Variants in R3HDM1 observed in about 807,000 individuals in gnomAD.
R3HDM1 encodes the protein R3H domain-containing protein 1.
R3HDM1 carries 46 observed loss-of-function variants against 141.1 expected under a neutral mutation model. The observed-to-expected ratio is 0.33, with a 90% confidence interval of 0.26 to 0.42. The LOEUF (loss-of-function observed/expected upper bound fraction) is 0.42. R3HDM1 is among the 10% of genes least tolerant of loss of function. The pLI is 1.00. For synonymous variants in R3HDM1, 435 were observed against 472.9 expected, an observed-to-expected ratio of 0.92 and a Z score of 1.04; for missense variants, 1,184 against 1,368.3, an observed-to-expected ratio of 0.87 and a Z score of 2.12.
intron 1 of R3HDM1, among the ~76,000 whole-genome samples, chr2:135,535,811 A>G (rs1204406268): frequency 6.6e-6 from 1 of 152,198 alleles, no homozygotes; most frequent in Non-Finnish European, 1.5e-5. Flanking sequence ...CATTTCCAGA[A>G]TTTAATTCAA....
chr2:135,591,861 G>T (rs1265366771), intron 1 of R3HDM1, among the ~76,000 whole-genome samples: 1 of 152,190 alleles, frequency 6.6e-6, no homozygotes, highest in Non-Finnish European at 1.5e-5. Context: ...CACAGGGTAA[G>T]GTCTAGGTGA....
intron 21 of R3HDM1, among the ~76,000 whole-genome samples, chr2:135,695,906 G>A (rs1233853552): frequency 6.6e-6 from 1 of 152,162 alleles, no homozygotes; most frequent in Non-Finnish European, 1.5e-5. Flanking sequence ...ACAAATAAAA[G>A]GTAAGCAATA....
chr2:135,664,876 C>T (rs893515547), intron 19 of R3HDM1, among the ~76,000 whole-genome samples: 1 of 152,182 alleles, frequency 6.6e-6, no homozygotes, highest in African/African-American at 2.4e-5. Flanking sequence ...ATCCTGATGG[C>T]CCTTAGTCAT....
chr2:135,611,336 G>A (rs1422823460), intron 3 of R3HDM1, among the ~76,000 whole-genome samples: 2 of 152,114 alleles, frequency 1.3e-5, no homozygotes, highest in Admixed American at 6.6e-5. Flanking sequence ...AGGAGGTCAA[G>A]GCTATAGTGA....
At chr2:135,608,412 C>G (rs1423022370) in intron 3 of R3HDM1, among the ~76,000 whole-genome samples, 1 of 151,914 alleles carries the variant, frequency 6.6e-6, no homozygotes, top group African/African-American at 2.4e-5. Context: ...ATCCAAGGTG[C>G]CTGGCAAGGG....
At chr2:135,603,082 A>G (rs1245248328) in intron 2 of R3HDM1, among the ~76,000 whole-genome samples, 2 of 152,152 alleles carry the variant, frequency 1.3e-5, no homozygotes, top group African/African-American at 2.4e-5. Flanking sequence ...CCCAGGTCCA[A>G]GCAATTCTCC....
At position 135,621,845 on chromosome 2, in the gene R3HDM1, T is replaced by C; in HGVS notation, c.418+237T>C. 3.1e-6 allele frequency: 3 copies of C among 981,808 alleles called. No homozygotes were observed. In the South Asian group the frequency reaches 1.4e-4, roughly 46 times the overall value. 60.8% of individuals were successfully genotyped at this position (981,808 alleles called of 1,614,324 possible). A position where few individuals can be genotyped will look rare whatever the true frequency, so the allele number is the denominator to read the frequency against. On this transcript the variant is annotated intron_variant, in intron 6 of 26. Transcript: ENST00000683871. ...CAGACGTTGAGGACATCTTAATCTC[T>C]TACTGGTCCCTCACTCATAGTAAAA...
chr2:135,604,300 T>A (rs1291462137), intron 2 of R3HDM1, among the ~76,000 whole-genome samples: 1 of 152,236 alleles, frequency 6.6e-6, no homozygotes, highest in Non-Finnish European at 1.5e-5. Context: ...ATTATAGGTA[T>A]CCCTTTGGAG....
chr2:135,545,197 C>G (rs983809167), intron 1 of R3HDM1, among the ~76,000 whole-genome samples: 1 of 152,172 alleles, frequency 6.6e-6, no homozygotes, highest in African/African-American at 2.4e-5. Context: ...GTTATGGATT[C>G]ACTCAGCATT....
chr2:135,579,337 G>A lies in R3HDM1; in HGVS notation c.-249-23163G>A, dbSNP rs139581367. 4.4e-3 allele frequency among the ~76,000 whole-genome samples: 668 copies of A among 152,222 alleles called. 2 individuals are homozygous for A. Among genetic ancestry groups the A allele is most frequent in the Admixed American group, 5.6e-3 (85 of 15,290 alleles). On this transcript the variant is annotated intron_variant, in intron 1 of 26. Transcript: ENST00000683871. ...ACCCACAAAATAAAACACATGTACA[G>A]GCATTTAGGTAGATAAGATAGATGG...
chr2:135,604,762 G>C, intron 2 of R3HDM1, 44 bp from the exon 3 acceptor site: 1 of 1,429,188 alleles, frequency 7.0e-7, no homozygotes, highest in Non-Finnish European at 9.7e-7. Context: ...TGCAGTAACT[G>C]AATGTAAAAA....
chr2:135,585,954 A>G (rs1707806314), intron 1 of R3HDM1, among the ~76,000 whole-genome samples: 1 of 152,250 alleles, frequency 6.6e-6, no homozygotes, highest in East Asian at 1.9e-4. Context: ...TATTACAGAC[A>G]AATTGCCTTT....
intron 1 of R3HDM1, among the ~76,000 whole-genome samples, chr2:135,602,271 T>G (rs2059688177): frequency 1.3e-5 from 2 of 152,290 alleles, no homozygotes; most frequent in Admixed American, 1.3e-4. Flanking sequence ...TTCTTTCCTC[T>G]TCTCTCTTCT....
At chr2:135,665,828 T>C (rs879392339) in intron 19 of R3HDM1, among the ~76,000 whole-genome samples, 2 of 152,190 alleles carry the variant, frequency 1.3e-5, no homozygotes, top group Non-Finnish European at 2.9e-5. Flanking sequence ...TATTGTTATA[T>C]ATGAAAGCAT....
intron 1 of R3HDM1, among the ~76,000 whole-genome samples, chr2:135,577,573 C>T (rs1390905199): frequency 6.6e-6 from 1 of 151,968 alleles, no homozygotes; most frequent in African/African-American, 2.4e-5. Flanking sequence ...AATAAGCTCA[C>T]GCCTGTAATC....
chr2:135,573,641 G>A (rs914988393), intron 1 of R3HDM1, among the ~76,000 whole-genome samples: 4 of 151,664 alleles, frequency 2.6e-5, no homozygotes, highest in Non-Finnish European at 4.4e-5. Flanking sequence ...TAGCTTATAG[G>A]GGAGAAAAAG....
intron 1 of R3HDM1, among the ~76,000 whole-genome samples, chr2:135,545,760 T>C (rs1460197664): frequency 2.0e-5 from 3 of 152,190 alleles, no homozygotes; most frequent in Admixed American, 2.0e-4. Flanking sequence ...GGGGGGACAC[T>C]TGTGACGTCT....
At chr2:135,549,589 A>AAAATGGGGTCTTGCTATATTGCTG (rs1170088962) in intron 1 of R3HDM1, among the ~76,000 whole-genome samples, 16 of 151,482 alleles carry the variant, frequency 1.1e-4, no homozygotes, top group Admixed American at 2.6e-4. Context: ...AAACAAAAAC[A>AAAATGGGGTCTTGCTATATTGCTG]AAATGGGGTC....
chr2:135,637,065 A>G (rs1184604035), intron 11 of R3HDM1, among the ~76,000 whole-genome samples: 1 of 152,236 alleles, frequency 6.6e-6, no homozygotes, highest in Non-Finnish European at 1.5e-5. Flanking sequence ...ATTTCAACCC[A>G]GGTCTGCTGA....
Sources: gnomAD v4.1 joint callset for allele counts (sites outside exome capture counted in the v4.1 genomes callset) on GRCh38, gnomAD v4.1.1 for gene constraint, MANE v1.5 for transcripts, NCBI Gene and HGNC (gene_info 2026-07-23, HGNC 2026-07-21) for gene names.